RGS6: variants seen among roughly 807,000 people sequenced by gnomAD.
RGS6 encodes regulator of G-protein signaling 6.
RGS6 carries 30 observed loss-of-function variants against 78.5 expected under a neutral mutation model. The observed-to-expected ratio is 0.38, with a 90% CI of 0.29 to 0.52. RGS6 has a LOEUF of 0.52. Among genes scored for constraint, RGS6 ranks in the 20% least tolerant of loss-of-function variants. The probability of loss-of-function intolerance (pLI) is 0.85; values close to 1 mark genes in which losing one functional copy is unlikely to be tolerated. For synonymous variants in RGS6, 206 were observed against 206.0 expected (o/e 1.00, Z 0.00); for missense variants, 495 against 609.7 (o/e 0.81, Z 1.98).
intron 2 of RGS6, among the ~76,000 whole-genome samples, chr14:72,152,375 C>T (rs1195945633): frequency 6.6e-6 from 1 of 151,874 alleles, no homozygotes; most frequent in Non-Finnish European, 1.5e-5. Context: ...GTGAATGGTC[C>T]AGGGATGTCA....
intron 2 of RGS6, among the ~76,000 whole-genome samples, chr14:72,032,526 A>G (rs985857486): frequency 1.3e-5 from 2 of 152,120 alleles, no homozygotes; most frequent in African/African-American, 2.4e-5. Flanking sequence ...AAATATAACT[A>G]TGTGTACATT....
chr14:72,350,983 T>C (rs560195060), intron 2 of RGS6, among the ~76,000 whole-genome samples: 2 of 152,270 alleles, frequency 1.3e-5, no homozygotes, highest in East Asian at 3.9e-4. Flanking sequence ...CTCTAACAAG[T>C]TATCTATTTC....
At chr14:72,552,047 C>T (rs139568208) in intron 17 of RGS6, among the ~76,000 whole-genome samples, 11 of 152,252 alleles carry the variant, frequency 7.2e-5, no homozygotes, top group South Asian at 2.1e-4. Flanking sequence ...ACTTAGGCTG[C>T]GCTTATTACC....
intron 2 of RGS6, among the ~76,000 whole-genome samples, chr14:72,264,102 A>AT (rs1381716978): frequency 6.6e-6 from 1 of 152,206 alleles, no homozygotes; most frequent in African/African-American, 2.4e-5. Flanking sequence ...TAGTAGCCTT[A>AT]TATCAGTTCA....
downstream of RGS6, among the ~76,000 whole-genome samples, chr14:72,570,255 G>A (rs1415083658): frequency 5.3e-5 from 8 of 152,226 alleles, no homozygotes; most frequent in East Asian, 1.5e-3. Flanking sequence ...ATAGGAGGAT[G>A]TGCTTTGGTT....
intron 17 of RGS6, among the ~76,000 whole-genome samples, chr14:72,553,080 G>T (rs983739264): frequency 6.6e-6 from 1 of 152,168 alleles, no homozygotes; most frequent in Non-Finnish European, 1.5e-5. Context: ...AGGTGCATGT[G>T]CCGCCTGCCT....
chr14:72,262,234 T>G (rs1355544081), intron 2 of RGS6, among the ~76,000 whole-genome samples: 1 of 152,190 alleles, frequency 6.6e-6, no homozygotes, highest in Non-Finnish European at 1.5e-5. Context: ...ATAGGGAGTG[T>G]ATTAGTCAGC....
At chr14:72,327,473 G>T (rs1489844833) in intron 2 of RGS6, among the ~76,000 whole-genome samples, 1 of 152,170 alleles carries the variant, frequency 6.6e-6, no homozygotes, top group East Asian at 1.9e-4. Flanking sequence ...ATTGTGCTTT[G>T]CTGTGTTTTT....
At chr14:72,154,573 T>C (rs2096743945) in intron 2 of RGS6, among the ~76,000 whole-genome samples, 1 of 152,194 alleles carries the variant, frequency 6.6e-6, no homozygotes, top group Non-Finnish European at 1.5e-5. Context: ...TAGTTTGTGT[T>C]CACAGTTTGA....
At chr14:72,541,612 T>G in intron 17 of RGS6, 1 of 1,535,624 alleles carries the variant, frequency 6.5e-7, no homozygotes, top group Non-Finnish European at 8.7e-7. Flanking sequence ...CATGATGGCC[T>G]GAGAGAAGGT....
intron 2 of RGS6, among the ~76,000 whole-genome samples, chr14:72,019,316 A>G (rs965108780): frequency 1.3e-5 from 2 of 152,172 alleles, no homozygotes; most frequent in African/African-American, 2.4e-5. Context: ...ACTATTTTCC[A>G]TCTAACACTC....
At chr14:72,264,727 GA>G (rs976032353) in intron 2 of RGS6, among the ~76,000 whole-genome samples, 1 of 152,224 alleles carries the variant, frequency 6.6e-6, no homozygotes, top group African/African-American at 2.4e-5. Flanking sequence ...GAGTTCAAGA[GA>G]ATTTTCAAGT....
chr14:71,881,181 C>A, the RGS6 span, among the ~76,000 whole-genome samples: 1 of 152,208 alleles, frequency 6.6e-6, no homozygotes, highest in Non-Finnish European at 1.5e-5. Flanking sequence ...AATGCCTGTA[C>A]CCCCCTTGCA....
At chr14:72,116,207 C>G (rs530785097) in intron 2 of RGS6, among the ~76,000 whole-genome samples, 1 of 151,984 alleles carries the variant, frequency 6.6e-6, no homozygotes, top group East Asian at 1.9e-4. Flanking sequence ...AGAGTTGATA[C>G]CAGACAGTCC....
chr14:72,566,754 A>T (rs879876796), downstream of RGS6, among the ~76,000 whole-genome samples: 1 of 151,920 alleles, frequency 6.6e-6, no homozygotes, highest in African/African-American at 2.4e-5. Flanking sequence ...CATTGGACTC[A>T]TCCTGGTAGG....
chr14:72,544,919 G>T (rs1379074054), intron 17 of RGS6, among the ~76,000 whole-genome samples: 3 of 152,248 alleles, frequency 2.0e-5, no homozygotes, highest in Non-Finnish European at 4.4e-5. Flanking sequence ...CTCCGCAGGG[G>T]AGGGGGCAGG....
intron 2 of RGS6, among the ~76,000 whole-genome samples, chr14:72,047,073 A>G (rs1567092047): frequency 6.6e-6 from 1 of 152,324 alleles, no homozygotes; most frequent in East Asian, 1.9e-4. Flanking sequence ...TTCTACATAA[A>G]ATTCCGCTTT....
chr14:72,614,479 C>T, the RGS6 span, among the ~76,000 whole-genome samples: 1 of 152,134 alleles, frequency 6.6e-6, no homozygotes, highest in Admixed American at 6.5e-5. Flanking sequence ...CCCTTCCCAG[C>T]TACTGGTGTC....
Position 72,458,677 on chromosome 14 carries a change from G to A in RGS6, c.342+300G>A, listed in dbSNP as rs1010557325. Reference sequence around the variant, plus strand: ...AACAAACAAAAAATTTACTTCTCATGGTTGTGGAGGCTGGCAAGTCCAAGA... The same window carrying A: ...AACAAACAAAAAATTTACTTCTCATAGTTGTGGAGGCTGGCAAGTCCAAGA... On this transcript the variant is annotated intron_variant, in intron 5 of 17. Coordinates refer to ENST00000553525, the MANE Select transcript of RGS6 (RefSeq NM_001204424.2). Among the ~76,000 whole-genome samples the A allele has an allele frequency of 2.0e-5, 3 of 152,184 alleles. No homozygotes were observed. The East Asian group carries it at 5.8e-4, about 29-fold the overall frequency.
Sources: allele counts gnomAD v4.1 joint callset (sites outside exome capture counted in the v4.1 genomes callset), GRCh38; gene constraint gnomAD v4.1.1; transcripts MANE v1.5; gene names NCBI Gene and HGNC (gene_info 2026-07-23, HGNC 2026-07-21).